CCDC171: variants seen among roughly 807,000 people sequenced by gnomAD.
CCDC171 encodes the protein coiled-coil domain-containing protein 171.
CCDC171 carries 177 observed loss-of-function variants against 168.2 expected under a neutral mutation model. That is an observed-to-expected ratio of 1.05 (90% CI 0.93 to 1.19). The LOEUF (loss-of-function observed/expected upper bound fraction) is 1.19. Among genes scored for constraint, CCDC171 ranks in the 50% most tolerant of loss-of-function variants. The pLI is 0.00. For missense variants in CCDC171, 1,991 were observed against 1,539.0 expected (o/e 1.29, Z -4.91); for synonymous variants, 687 against 540.8 (o/e 1.27, Z -3.75).
At chr9:15,601,685 A>G (rs886461251) in intron 6 of CCDC171, among the ~76,000 whole-genome samples, 2 of 152,206 alleles carry the variant, frequency 1.3e-5, no homozygotes, top group Non-Finnish European at 2.9e-5. Flanking sequence ...CTGTAGTGCC[A>G]CAGAAGAGAA....
At chr9:16,093,321 A>T in the CCDC171 span, among the ~76,000 whole-genome samples, 1 of 152,158 alleles carries the variant, frequency 6.6e-6, no homozygotes, top group South Asian at 2.1e-4. Context: ...AACCTACCTG[A>T]TACTGACCTT....
At chr9:15,948,168 T>C (rs1370572562) in intron 25 of CCDC171, among the ~76,000 whole-genome samples, 1 of 151,810 alleles carries the variant, frequency 6.6e-6, no homozygotes, top group Admixed American at 6.6e-5. Context: ...TCATTTTTTA[T>C]GGCTGCATAG....
chr9:15,761,269 G>A (rs945717591), intron 18 of CCDC171, among the ~76,000 whole-genome samples: 2 of 152,040 alleles, frequency 1.3e-5, no homozygotes, highest in Non-Finnish European at 2.9e-5. Flanking sequence ...ACTTTCTAGA[G>A]GTCATAGCGA....
chr9:15,590,282 C>A (rs916519780), intron 4 of CCDC171, among the ~76,000 whole-genome samples: 2 of 152,104 alleles, frequency 1.3e-5, no homozygotes, highest in Admixed American at 1.3e-4. Flanking sequence ...ATGATTGATT[C>A]AAAATGCAAA....
chr9:15,811,471 C>T (rs1312962686), intron 21 of CCDC171, among the ~76,000 whole-genome samples: 3 of 152,050 alleles, frequency 2.0e-5, no homozygotes, highest in African/African-American at 4.8e-5. Flanking sequence ...TTGACCTGGT[C>T]TGTAATATCT....
intron 4 of CCDC171, chr9:16,020,942 A>T (rs1833144171): frequency 6.6e-6 from 1 of 152,254 alleles, no homozygotes; most frequent in South Asian, 2.1e-4. Flanking sequence ...GAACAAATGA[A>T]GTTCTTCTCA....
chr9:15,657,338 A>G, intron 8 of CCDC171, 119 bp downstream of exon 8: 2 of 603,034 alleles, frequency 3.3e-6, no homozygotes, highest in Non-Finnish European at 3.0e-6. Flanking sequence ...ACATATTGTT[A>G]TGACACTCAT....
At chr9:15,786,712 A>G (rs2057976442) in intron 21 of CCDC171, among the ~76,000 whole-genome samples, 1 of 152,160 alleles carries the variant, frequency 6.6e-6, no homozygotes, top group Non-Finnish European at 1.5e-5. Context: ...TGAAACAGCC[A>G]GTTCCTGCCT....
chr9:16,093,213 A>G, the CCDC171 span, among the ~76,000 whole-genome samples: 5 of 152,354 alleles, frequency 3.3e-5, no homozygotes, highest in African/African-American at 9.6e-5. Flanking sequence ...AAAAGCAAAT[A>G]CGGAAAACTC....
At chr9:15,724,661 T>G (rs957580733) in intron 13 of CCDC171, 115 bp from the exon 14 acceptor site, 2 of 655,558 alleles carry the variant, frequency 3.1e-6, no homozygotes, top group Non-Finnish European at 2.7e-6. Flanking sequence ...TGCCTGCCTT[T>G]GTGATTCTTT....
intron 8 of CCDC171, among the ~76,000 whole-genome samples, chr9:15,660,265 A>G (rs578227852): frequency 3.3e-5 from 5 of 152,350 alleles, no homozygotes; most frequent in South Asian, 2.1e-4. Context: ...AGTGGCATCA[A>G]TAAGTAATAA....
chr9:16,034,871 G>C (rs1286174898), intron 6 of CCDC171, among the ~76,000 whole-genome samples: 4 of 152,276 alleles, frequency 2.6e-5, no homozygotes, highest in Non-Finnish European at 5.9e-5. Context: ...CTGGGCCCAA[G>C]GGTTAACTTG....
chr9:15,990,265 G>C (rs1046086888), intron 3 of CCDC171, among the ~76,000 whole-genome samples: 10 of 150,714 alleles, frequency 6.6e-5, no homozygotes, highest in African/African-American at 2.2e-4. Flanking sequence ...GAGAAGTGGG[G>C]GCCAATATTC....
intron 23 of CCDC171, among the ~76,000 whole-genome samples, chr9:15,859,403 A>T (rs2061467805): frequency 6.6e-6 from 1 of 151,756 alleles, no homozygotes; most frequent in South Asian, 2.1e-4. Flanking sequence ...TGGTCTCATA[A>T]AATATATTTC....
intron 18 of CCDC171, among the ~76,000 whole-genome samples, chr9:15,750,668 C>G (rs2055663994): frequency 6.6e-6 from 1 of 152,130 alleles, no homozygotes; most frequent in Non-Finnish European, 1.5e-5. Flanking sequence ...ACAGAACCAA[C>G]CACAAAAACC....
intron 20 of CCDC171, among the ~76,000 whole-genome samples, chr9:15,780,794 TAAATG>T (rs1459287439): frequency 2.0e-5 from 3 of 152,234 alleles, no homozygotes; most frequent in Non-Finnish European, 4.4e-5. Flanking sequence ...TCATTTTAGT[TAAATG>T]AATACTAGTG....
chr9:15,682,197 A>G (rs76120525), intron 10 of CCDC171, among the ~76,000 whole-genome samples: 2,744 of 152,192 alleles, frequency 0.018, 95 homozygotes, highest in South Asian at 0.12. Context: ...GAGACTTACA[A>G]ATAACTTTGT....
At chr9:16,070,215 G>A in the CCDC171 span, among the ~76,000 whole-genome samples, 5 of 152,138 alleles carry the variant, frequency 3.3e-5, no homozygotes, top group Non-Finnish European at 5.9e-5. Context: ...TGAGCCCCTC[G>A]GGGTCCGTGG....
chr9:15,700,373 A>G (rs994805208), intron 11 of CCDC171, among the ~76,000 whole-genome samples: 1 of 152,176 alleles, frequency 6.6e-6, no homozygotes, highest in African/African-American at 2.4e-5. Flanking sequence ...CCGGAACTCC[A>G]GCTGGCCTGC....
Sources: gnomAD v4.1 joint callset for allele counts (sites outside exome capture counted in the v4.1 genomes callset) on GRCh38, gnomAD v4.1.1 for gene constraint, MANE v1.5 for transcripts, NCBI Gene and HGNC (gene_info 2026-07-23, HGNC 2026-07-21) for gene names.